Variants in NSF observed in about 807,000 individuals in gnomAD.
NSF encodes the protein vesicle-fusing ATPase.
NSF carries 14 observed loss-of-function variants against 50.3 expected under a neutral mutation model. The ratio of observed to expected loss-of-function variants is 0.28; its 90% CI spans 0.18 to 0.44. The LOEUF is 0.44. NSF is among the 20% of genes least tolerant of loss of function. The pLI, the probability that NSF is intolerant of heterozygous loss-of-function variation, is 1.00. For missense variants in NSF, 218 were observed against 504.3 expected, an observed-to-expected ratio of 0.43 and a Z score of 5.44; for synonymous variants, 109 against 175.7, an observed-to-expected ratio of 0.62 and a Z score of 3.00.
intron 14 of NSF, chr17:46,713,348 A>T (rs1284609644): frequency 6.5e-6 from 1 of 153,502 alleles, no homozygotes; most frequent in African/African-American, 2.4e-5. Context: ...GAAGGCAGGG[A>T]TGTCTAAATG....
intron 15 of NSF, chr17:46,722,157 G>A (rs1243099576): frequency 1.9e-6 from 3 of 1,611,652 alleles, no homozygotes; most frequent in South Asian, 2.2e-5. Flanking sequence ...CTTGGCGCTC[G>A]AACTGAACAT....
chr17:46,755,915 T>C lies in NSF; in HGVS notation c.*92T>C, dbSNP rs1325211763. On this transcript the variant is annotated 3_prime_UTR_variant, in exon 21 of 21. Transcript: ENST00000398238. ...CACTGTCTTACTCAAGATACTGGACTAAGTGGAACGTTCTCTACCTTCAAC... is the reference window on the plus strand; with the variant it reads ...CACTGTCTTACTCAAGATACTGGACCAAGTGGAACGTTCTCTACCTTCAAC... The C allele has an allele frequency of 7.8e-7, 1 of 1,289,624 alleles. No individual in the cohort carries two copies. Among genetic ancestry groups the C allele is most frequent in the African/African-American group, 1.5e-5 (1 of 68,058 alleles). The allele number at this position is 1,289,624 out of a possible 1,614,324, so 79.9% of individuals were successfully genotyped here.
chr17:46,734,113 T>C lies in NSF; in HGVS notation c.1908+5179T>C, dbSNP rs377587127. 7.9e-5 allele frequency among the ~76,000 whole-genome samples: 12 copies of C among 152,300 alleles called. No individual in the cohort carries two copies. The East Asian group carries it at 1.5e-3, about 20-fold the overall frequency. ...CATCTTAGCAGTCTTACTTCAGATA[T>C]GGTTATAGGACATCTTGGTATCTTG... is the stretch of plus-strand genomic sequence containing the variant. On this transcript the variant is annotated intron_variant, in intron 17 of 20. Transcript: ENST00000398238.
At chr17:46,736,366 A>T (rs925160582) in intron 17 of NSF, among the ~76,000 whole-genome samples, 1 of 152,110 alleles carries the variant, frequency 6.6e-6, no homozygotes, top group African/African-American at 2.4e-5. Context: ...CTCCTAACTC[A>T]TGGTGCAACA....
chr17:46,598,722 A>C (rs1390761501), intron 1 of NSF, among the ~76,000 whole-genome samples: 1 of 152,200 alleles, frequency 6.6e-6, no homozygotes, highest in African/African-American at 2.4e-5. Context: ...TTAGAAACCT[A>C]GTCATTTATA....
chr17:46,723,550 G>A (rs2058854954), intron 15 of NSF, among the ~76,000 whole-genome samples: 1 of 152,126 alleles, frequency 6.6e-6, no homozygotes. Context: ...CTTTTTCTGT[G>A]TTTGGGGAGG....
chr17:46,751,678 G>A (rs1218909985), intron 19 of NSF, 62 bp downstream of exon 19: 4 of 938,840 alleles, frequency 4.3e-6, no homozygotes, highest in Non-Finnish European at 4.8e-6. Context: ...CACCAAGAGG[G>A]TTCAGTATTT....
At chr17:46,736,818 T>C (rs1264596282) in intron 17 of NSF, among the ~76,000 whole-genome samples, 1 of 152,190 alleles carries the variant, frequency 6.6e-6, no homozygotes. Flanking sequence ...ATATCTGAAA[T>C]ATGCTGTGGG....
At chr17:46,631,080 A>ACACACACACACACACG (rs1555668571) in intron 4 of NSF, among the ~76,000 whole-genome samples, 3 of 144,020 alleles carry the variant, frequency 2.1e-5, no homozygotes, top group African/African-American at 5.7e-5. Flanking sequence ...ACACACACAC[A>ACACACACACACACACG]CACACACACA....
chr17:46,725,834 A>G (rs2058883939), intron 15 of NSF, among the ~76,000 whole-genome samples: 1 of 152,154 alleles, frequency 6.6e-6, no homozygotes, highest in African/African-American at 2.4e-5. Context: ...TAGTCTCTGG[A>G]ATAGTACCTT....
chr17:46,646,502 CAAAAAAAAAAAAA>C (rs1158578265), intron 8 of NSF, among the ~76,000 whole-genome samples: 92 of 506 alleles, frequency 0.18, 23 homozygotes, highest in Non-Finnish European at 0.25. Context: ...GACTCCATCT[CAAAAAAAAAAAAA>C]AAAAAAAAAA....
At chr17:46,657,526 T>A (rs1331537748) in intron 8 of NSF, among the ~76,000 whole-genome samples, 1,348 of 124,482 alleles carry the variant, frequency 0.011, no homozygotes, top group African/African-American at 0.039. Flanking sequence ...ACCTTATGAA[T>A]GTTGTTTCAG....
chr17:46,715,700 C>T (rs958321810), intron 15 of NSF, among the ~76,000 whole-genome samples: 3 of 152,126 alleles, frequency 2.0e-5, no homozygotes, highest in African/African-American at 4.8e-5. Flanking sequence ...ATTTTAATCT[C>T]TTGCAAATTG....
At position 46,719,608 on chromosome 17, in the gene NSF, A is replaced by G. The variant is rs1041128724; in HGVS notation, c.1761+5622A>G. 2.0e-5 allele frequency among the ~76,000 whole-genome samples: 3 copies of G among 152,208 alleles called. No individual in the cohort carries two copies. Among genetic ancestry groups the G allele is most frequent in the Non-Finnish European group, 2.9e-5 (2 of 68,032 alleles). ...TTCCATTAAGATGTTTGAAGTATTC[A>G]CAGACCTTCCCCTTCTCCCCTATTT... On this transcript the variant is annotated intron_variant, in intron 15 of 20. Coordinates refer to ENST00000398238, the MANE Select transcript of NSF (RefSeq NM_006178.4). This position sits in a 1 kb window ranked among gnomAD's most constrained non-coding sequence, Gnocchi z 4.3.
chr17:46,736,771 T>C (rs1395451420), intron 17 of NSF, among the ~76,000 whole-genome samples: 1 of 152,250 alleles, frequency 6.6e-6, no homozygotes, highest in Non-Finnish European at 1.5e-5. Flanking sequence ...TAATATATTT[T>C]TAACCTTGTT....
At chr17:46,720,878 T>C (rs1409355807) in intron 15 of NSF, among the ~76,000 whole-genome samples, 5 of 152,198 alleles carry the variant, frequency 3.3e-5, no homozygotes, top group Admixed American at 6.5e-5. Flanking sequence ...CCTGAGAGCA[T>C]GCTTGTTGTG....
intron 15 of NSF, among the ~76,000 whole-genome samples, chr17:46,726,109 G>A (rs187458879): frequency 6.6e-6 from 1 of 152,142 alleles, no homozygotes; most frequent in Admixed American, 6.5e-5. Context: ...TCTGATTTGA[G>A]TTGACAGAAT....
chr17:46,708,824 T>TATATA (rs1568038736), intron 13 of NSF, among the ~76,000 whole-genome samples: 49 of 58,514 alleles, frequency 8.4e-4, no homozygotes, highest in South Asian at 2.8e-3. Context: ...ATATATATAT[T>TATATA]TTTTTTTTTT....
chr17:46,746,657 A>G (rs1316646647), intron 17 of NSF, among the ~76,000 whole-genome samples: 1 of 152,140 alleles, frequency 6.6e-6, no homozygotes, highest in African/African-American at 2.4e-5. Context: ...AAACTTTTTT[A>G]GTAATGTGTT....
Sources: allele counts gnomAD v4.1 joint callset (sites outside exome capture counted in the v4.1 genomes callset), GRCh38; gene constraint gnomAD v4.1.1; non-coding constraint Gnocchi (gnomAD v3.1); transcripts MANE v1.5; gene names NCBI Gene and HGNC (gene_info 2026-07-23, HGNC 2026-07-21).